SEC16A: variants seen among roughly 807,000 people sequenced by gnomAD.
SEC16A encodes the protein protein transport protein Sec16A.
SEC16A carries 110 observed loss-of-function variants against 221.9 expected under a neutral mutation model. That is an observed-to-expected ratio of 0.50 (90% CI 0.42 to 0.58). SEC16A has a LOEUF of 0.58. Ranked by LOEUF, SEC16A falls within the 20% of genes least tolerant of loss-of-function variation. The pLI, the probability that SEC16A is intolerant of heterozygous loss-of-function variation, is 0.00. For missense variants in SEC16A, 3,165 were observed against 3,097.8 expected, an observed-to-expected ratio of 1.02 and a Z score of -0.52; for synonymous variants, 1,393 against 1,257.7, an observed-to-expected ratio of 1.11 and a Z score of -2.28.
intron 21 of SEC16A, among the ~76,000 whole-genome samples, chr9:136,453,781 T>A (rs1179550464): frequency 6.6e-6 from 1 of 152,248 alleles, no homozygotes; most frequent in Non-Finnish European, 1.5e-5. Context: ...AGACAGTTCA[T>A]GACCTGCCCC....
Position 136,460,046 on chromosome 9 carries a change from G to A in SEC16A, c.5069C>T (p.Ser1690Phe). 6.2e-7 allele frequency: 1 copy of A among 1,602,486 alleles called. No homozygotes were observed. The highest frequency in any genetic ancestry group is 8.5e-7 in the Non-Finnish European group (1 of 1,174,502). The change falls in exon 14 of 32, where the codon TCC becomes TTC. Residue 1690 changes from serine (S) to phenylalanine (F), a missense_variant. Ser to Phe is a radical substitution (Grantham distance 155). Around this residue, in one of 3 missense-constraint regions of SEC16A, gnomAD observed 1,088 missense variants for 1,089.6 expected, o/e 1.00. Transcript: ENST00000684901. ...CCACCAGGCAGTGCCACTCACCGTG[G>A]ACGCGGCAGGCATCCGTCCGGACAT... ...QLMSGRMPAA[S>F]TCCGDEKWGD...
rs546329452 is a variant in SEC16A, at chr9:136,462,959, C to T, written c.4821G>A (p.Pro1607=). Residue 1607 remains proline (P), a synonymous_variant, in exon 12 of 32, where the codon CCG becomes CCA. Transcript: ENST00000684901. The part of the protein sequence containing the change: ...EAQLSFLTGG[P]AAAASSLERE... ...TCTCGAGCGAGCTGGCGGCAGCCGC[C>T]GGACCACCAGTGAGGAAAGAGAGCT... The T allele has an allele frequency of 1.4e-5, 22 of 1,607,408 alleles. No individual in the cohort carries two copies. The highest frequency in any genetic ancestry group is 1.7e-5 in the Non-Finnish European group (20 of 1,179,860).
In SEC16A at chr9:136,471,999, T is replaced by C. The variant is rs754314928; in HGVS notation, c.3680A>G (p.His1227Arg). ...EPERPSSRAS[H>R]SSERPPPRQG... The stretch of plus-strand genomic sequence containing the variant: ...CCTGGGAGGTGGCCGTTCCGAGGAG[T>C]GGCTGGCTCGGGAGCTGGGCCGCTC... The change falls in exon 4 of 32, where the codon CAC becomes CGC. Residue 1227 changes from histidine to arginine, a missense_variant. Around this residue, in one of 3 missense-constraint regions of SEC16A, gnomAD observed 2,030 missense variants for 1,923.1 expected, o/e 1.06. Coordinates refer to ENST00000684901, the MANE Select transcript of SEC16A (RefSeq NM_014866.2). The C allele has an allele frequency of 6.2e-7, 1 of 1,611,358 alleles. No individual in the cohort carries two copies. Among genetic ancestry groups the C allele is most frequent in the Admixed American group, 1.7e-5 (1 of 59,978 alleles).
chr9:136,445,864 G>A lies in SEC16A; in HGVS notation c.6793-145C>T, dbSNP rs995906236. On this transcript the variant is annotated intron_variant, in intron 28 of 31. Transcript: ENST00000684901. ...TGCTCCTCAGAGAGAAGTGAAAAGT[G>A]CCTCACACGTGGGTCCAGCCGCACA... The A allele has an allele frequency of 9.7e-6, 7 of 723,568 alleles. No individual in the cohort carries two copies. The African/African-American group carries it at 1.1e-4, about 11-fold the overall frequency. 44.8% of individuals were successfully genotyped at this position (723,568 alleles called of 1,614,324 possible). A position where few individuals can be genotyped will look rare whatever the true frequency, so the allele number is the denominator to read the frequency against.
chr9:136,460,184 C>T (rs967970498), intron 13 of SEC16A, 61 bp from the exon 14 acceptor site: 43 of 1,372,820 alleles, frequency 3.1e-5, no homozygotes, highest in Admixed American at 4.0e-5. Context: ...AAAAGCCGGC[C>T]GGACATGATG....
chr9:136,449,903 T>C (rs1163733946), intron 23 of SEC16A, among the ~76,000 whole-genome samples: 1 of 151,962 alleles, frequency 6.6e-6, no homozygotes, highest in Non-Finnish European at 1.5e-5. Context: ...ATGATATTTT[T>C]CATAAAATAC....
Position 136,441,147 on chromosome 9 carries a change from A to G in SEC16A, c.*608T>C, listed in dbSNP as rs1127152. ...GGAAAGAAATTCACTGCAGTAACTA[A>G]GGCCTCTCTCAAAAACCGTGAACTA... On this transcript the variant is annotated 3_prime_UTR_variant, in exon 32 of 32. Coordinates refer to ENST00000684901, the MANE Select transcript of SEC16A (RefSeq NM_014866.2). 55,746 of 152,994 alleles carry G rather than the reference A, an allele frequency of 0.36. 10,934 individuals are homozygous for G. Among genetic ancestry groups the G allele is most frequent in the Admixed American group, 0.49 (7,571 of 15,456 alleles). The allele number at this position is 152,994 out of a possible 1,614,324, so 9.5% of individuals were successfully genotyped here. A position where few individuals can be genotyped will look rare whatever the true frequency, so the allele number is the denominator to read the frequency against.
chr9:136,475,949 T>G lies in SEC16A; in HGVS notation c.1667A>C (p.Asp556Ala). ...FIQQEVGKPE[D>A]EASGSFFKQI... is the part of the protein sequence containing the mutation. ...CTTAAAAAAACTACCTGAAGCTTCA[T>G]CCTCGGGTTTTCCAACTTCTTGCTG... The change falls in exon 3 of 32, where the codon GAT becomes GCT. Residue 556 changes from aspartate to alanine, a missense_variant. Physicochemically the swap from Asp to Ala is moderately radical, Grantham distance 126. Coordinates refer to ENST00000684901, the MANE Select transcript of SEC16A (RefSeq NM_014866.2). The surrounding 1 kb of genome is among the most constrained non-coding windows in gnomAD (Gnocchi z 5.0). 6.2e-7 allele frequency: 1 copy of G among 1,613,572 alleles called. No individual in the cohort carries two copies. Among genetic ancestry groups the G allele is most frequent in the Non-Finnish European group, 8.5e-7 (1 of 1,179,864 alleles).
intron 31 of SEC16A, 102 bp downstream of exon 31, chr9:136,443,721 G>T: frequency 1.3e-6 from 1 of 767,786 alleles, no homozygotes; most frequent in South Asian, 1.6e-5. Context: ...TAAAAAGAAA[G>T]AAAAAGAGGA....
At chr9:136,450,103 C>G (rs1051328857) in intron 23 of SEC16A, among the ~76,000 whole-genome samples, 2 of 152,016 alleles carry the variant, frequency 1.3e-5, no homozygotes, top group East Asian at 1.9e-4. Context: ...ACTGGAGAGG[C>G]TGAGGCAGGA....
chr9:136,481,130 T>TA (rs1842282196), intron 1 of SEC16A, among the ~76,000 whole-genome samples: 1 of 55,318 alleles, frequency 1.8e-5, no homozygotes, highest in Non-Finnish European at 4.2e-5. Context: ...AATTTTATTC[T>TA]TTTTTTTTTT....
chr9:136,446,861 C>G lies in SEC16A; in HGVS notation c.6786G>C (p.Glu2262Asp). The change falls in exon 28 of 32, where the codon GAG becomes GAC. Residue 2262 changes from glutamate (E) to aspartate (D), a missense_variant. By Grantham distance (45) the Glu-to-Asp change is conservative. Around this residue, in one of 3 missense-constraint regions of SEC16A, gnomAD observed 1,088 missense variants for 1,089.6 expected, o/e 1.00. Coordinates refer to ENST00000684901, the MANE Select transcript of SEC16A (RefSeq NM_014866.2). ...RGLANPEPAP[E>D]PKVLSSAASL... ...TCCCACCGTACCCGCTCACCTTGGG[C>G]TCTGGGGCAGGCTCTGGATTGGCCA... The G allele has an allele frequency of 6.2e-7, 1 of 1,605,100 alleles. No individual in the cohort carries two copies. The highest frequency in any genetic ancestry group is 8.5e-7 in the Non-Finnish European group (1 of 1,176,876).
chr9:136,454,586 C>T (rs559843686), intron 20 of SEC16A, among the ~76,000 whole-genome samples: 46 of 152,306 alleles, frequency 3.0e-4, no homozygotes, highest in Non-Finnish European at 5.1e-4. Context: ...CTCCAGGGCC[C>T]GGCCCACACG....
chr9:136,466,404 C>T lies in SEC16A; in HGVS notation c.3988G>A (p.Asp1330Asn), dbSNP rs188730587. 19 of 1,606,186 alleles carry T rather than the reference C, an allele frequency of 1.2e-5. No individual in the cohort carries two copies. In the East Asian group the frequency reaches 2.2e-4, roughly 19 times the overall value. ...GGGTCTCTGTGCGGATCGGGGTCAT[C>T]GTCAAAACTCCCCGTGAAGCGAGGA... Reference protein sequence around the residue: ...YDPRFTGSFDDDPDPHRDPYG... With the variant: ...YDPRFTGSFDNDPDPHRDPYG... The change falls in exon 7 of 32, where the codon GAT becomes AAT. Residue 1330 changes from aspartate (D) to asparagine (N), a missense_variant. Asp to Asn is a conservative substitution (Grantham distance 23, BLOSUM62 1). Coordinates refer to ENST00000684901, the MANE Select transcript of SEC16A (RefSeq NM_014866.2). This position sits in a 1 kb window ranked among gnomAD's most constrained non-coding sequence, Gnocchi z 5.5.
intron 31 of SEC16A, 121 bp from the exon 32 acceptor site, chr9:136,441,944 C>A: frequency 2.4e-6 from 2 of 823,868 alleles, no homozygotes. Context: ...CGCTGACAAG[C>A]TGAAGGCTTC....
At chr9:136,455,890 G>T in intron 19 of SEC16A, 97 bp from the exon 20 acceptor site, 2 of 1,318,422 alleles carry the variant, frequency 1.5e-6, no homozygotes, top group Non-Finnish European at 2.1e-6. Flanking sequence ...CCCTACTTCA[G>T]GACAGGAGGC....
chr9:136,455,981 T>G (rs1838600613), intron 19 of SEC16A, 72 bp downstream of exon 19: 1 of 1,308,504 alleles, frequency 7.6e-7, no homozygotes, highest in Admixed American at 2.0e-5. Flanking sequence ...ATACATACTT[T>G]CAGTGTGGAA....
At chr9:136,471,229 G>A (rs1185387904) in intron 4 of SEC16A, among the ~76,000 whole-genome samples, 1 of 151,944 alleles carries the variant, frequency 6.6e-6, no homozygotes, top group African/African-American at 2.4e-5. Flanking sequence ...CACTTTGGGA[G>A]ACCAGGGCAG....
In SEC16A at chr9:136,459,085, T is replaced by A; in HGVS notation, c.5409+49A>T. On this transcript the variant is annotated intron_variant, in intron 17 of 31. Transcript: ENST00000684901. This position sits in a 1 kb window ranked among gnomAD's most constrained non-coding sequence, Gnocchi z 6.1. The stretch of plus-strand genomic sequence containing the variant: ...TAAGTAGCCAAAAGCTTGTTAGCAC[T>A]GAGTGCCTGCCCAGCCATGACAGCT... The A allele has an allele frequency of 7.1e-7, 1 of 1,403,792 alleles. No individual in the cohort carries two copies. Among genetic ancestry groups the A allele is most frequent in the Non-Finnish European group, 9.9e-7 (1 of 1,013,524 alleles). 87.0% of individuals were successfully genotyped at this position (1,403,792 alleles called of 1,614,324 possible).
Sources: allele counts gnomAD v4.1 joint callset (sites outside exome capture counted in the v4.1 genomes callset), GRCh38; gene constraint gnomAD v4.1.1; regional missense constraint gnomAD v4.1.1; non-coding constraint Gnocchi (gnomAD v3.1); transcripts MANE v1.5; gene names NCBI Gene and HGNC (gene_info 2026-07-23, HGNC 2026-07-21).